Variants in FRAS1 observed in about 807,000 individuals in gnomAD.
FRAS1 encodes the protein Fraser extracellular matrix complex subunit 1, also known as extracellular matrix organizing protein FRAS1.
FRAS1 carries 290 observed loss-of-function variants against 435.2 expected under a neutral mutation model. The ratio of observed to expected loss-of-function variants is 0.67; its 90% CI spans 0.61 to 0.73. The LOEUF (loss-of-function observed/expected upper bound fraction) is 0.73. FRAS1 is among the 30% of genes least tolerant of loss of function. FRAS1 has a pLI of 0.00. For missense variants in FRAS1, 4,860 were observed against 5,001.5 expected, an observed-to-expected ratio of 0.97 and a Z score of 0.85; for synonymous variants, 1,800 against 1,851.0, an observed-to-expected ratio of 0.97 and a Z score of 0.71.
Position 78,513,379 on chromosome 4 carries a change from T to C in FRAS1, c.10014-13T>C, listed in dbSNP as rs775265405. On this transcript the variant is annotated splice_polypyrimidine_tract_variant and intron_variant, in intron 64 of 73. Transcript: ENST00000512123. ...AGTCAGCTAAACATTTATTTCTGCC[T>C]TTTTCCCCCTAGAATCCACATTTCG... 6 of 1,608,168 alleles carry C rather than the reference T, an allele frequency of 3.7e-6. No individual in the cohort carries two copies. Among genetic ancestry groups the C allele is most frequent in the Middle Eastern group, 1.7e-4 (1 of 6,044 alleles).
chr4:78,483,365 C>T (rs1252010086), intron 58 of FRAS1, among the ~76,000 whole-genome samples: 1 of 152,126 alleles, frequency 6.6e-6, no homozygotes, highest in Admixed American at 6.6e-5. Flanking sequence ...ATGGTTACTT[C>T]TCAGAAGAAT....
At chr4:78,317,345 C>G (rs950378217) in intron 16 of FRAS1, 23 bp from the exon 17 acceptor site, 2 of 1,613,474 alleles carry the variant, frequency 1.2e-6, no homozygotes, top group Middle Eastern at 3.3e-4. Context: ...CCATGGCGTT[C>G]TCCCTCTCAC....
chr4:78,419,693 G>A (rs548461809), intron 33 of FRAS1, among the ~76,000 whole-genome samples: 1 of 152,260 alleles, frequency 6.6e-6, no homozygotes, highest in South Asian at 2.1e-4. Flanking sequence ...AGCTGAAACT[G>A]GGTAATTTAT....
chr4:78,154,774 A>G (rs1720812135), intron 2 of FRAS1, among the ~76,000 whole-genome samples: 1 of 152,244 alleles, frequency 6.6e-6, no homozygotes, highest in Non-Finnish European at 1.5e-5. Flanking sequence ...GGGTAGTTAA[A>G]AACAAACAAA....
At chr4:78,455,282 T>TCAAAAG (rs1719154609) in intron 47 of FRAS1, among the ~76,000 whole-genome samples, 1 of 85,156 alleles carries the variant, frequency 1.2e-5, no homozygotes, top group African/African-American at 5.2e-5. Context: ...TTTACATGCC[T>TCAAAAG]CCCTTTGGAG....
intron 2 of FRAS1, among the ~76,000 whole-genome samples, chr4:78,189,840 C>T (rs1722453734): frequency 6.6e-6 from 1 of 152,186 alleles, no homozygotes; most frequent in Non-Finnish European, 1.5e-5. Flanking sequence ...TTTCCCTTTA[C>T]CTCATATAAT....
At chr4:78,206,909 T>G (rs1723283665) in intron 2 of FRAS1, among the ~76,000 whole-genome samples, 1 of 152,226 alleles carries the variant, frequency 6.6e-6, no homozygotes, top group African/African-American at 2.4e-5. Context: ...GGTTCCACCC[T>G]TATCAGTTGC....
At chr4:78,493,046 T>C (rs7436657) in intron 59 of FRAS1, among the ~76,000 whole-genome samples, 110,462 of 151,960 alleles carry the variant, frequency 0.73, 41,785 homozygotes, top group East Asian at 1. Flanking sequence ...AACAAACAAA[T>C]GAAGAAAAGC....
At chr4:78,529,633 G>C (rs1176461042) in intron 70 of FRAS1, among the ~76,000 whole-genome samples, 1 of 152,130 alleles carries the variant, frequency 6.6e-6, no homozygotes, top group Non-Finnish European at 1.5e-5. Context: ...TGTTCCAAGA[G>C]CCCCAGTGGG....
chr4:78,518,158 G>C (rs141694871), intron 66 of FRAS1, among the ~76,000 whole-genome samples: 1 of 151,574 alleles, frequency 6.6e-6, no homozygotes, highest in Non-Finnish European at 1.5e-5. Flanking sequence ...ACAAAGTAAG[G>C]CATGTCAAAA....
chr4:78,346,258 A>G (rs1039500338), intron 20 of FRAS1, among the ~76,000 whole-genome samples: 2 of 152,222 alleles, frequency 1.3e-5, no homozygotes, highest in Non-Finnish European at 2.9e-5. Flanking sequence ...TGGGCCCACT[A>G]ATAACTCATG....
chr4:78,236,287 CATTT>C (rs34452198), intron 2 of FRAS1, among the ~76,000 whole-genome samples: 11 of 142,924 alleles, frequency 7.7e-5, no homozygotes, highest in South Asian at 4.3e-4. Flanking sequence ...GAAATAGTTG[CATTT>C]ATTTATTTAT....
At chr4:78,276,824 C>G (rs1181317978) in intron 9 of FRAS1, among the ~76,000 whole-genome samples, 12 of 152,184 alleles carry the variant, frequency 7.9e-5, no homozygotes, top group Non-Finnish European at 1.8e-4. Context: ...CTTGGAGGAC[C>G]ACTTTTCTCT....
At chr4:78,083,878 C>T (rs1319373313) in intron 2 of FRAS1, among the ~76,000 whole-genome samples, 1 of 152,010 alleles carries the variant, frequency 6.6e-6, no homozygotes, top group Non-Finnish European at 1.5e-5. Flanking sequence ...TTCCTTATAT[C>T]TAATTCACTA....
chr4:78,296,912 G>A (rs929115101), intron 14 of FRAS1, among the ~76,000 whole-genome samples: 2 of 152,090 alleles, frequency 1.3e-5, no homozygotes, highest in African/African-American at 2.4e-5. Flanking sequence ...CCATGTCCTC[G>A]TGAACTAGGT....
At chr4:78,127,895 C>T (rs1412177338) in intron 2 of FRAS1, among the ~76,000 whole-genome samples, 1 of 135,944 alleles carries the variant, frequency 7.4e-6, no homozygotes, top group African/African-American at 2.7e-5. Context: ...AATGCTATCC[C>T]TTCCCCCTCC....
At chr4:78,236,977 A>T (rs1168821785) in intron 2 of FRAS1, among the ~76,000 whole-genome samples, 1 of 152,130 alleles carries the variant, frequency 6.6e-6, no homozygotes, top group Non-Finnish European at 1.5e-5. Context: ...TCACTCATAC[A>T]TATGTTGGTG....
chr4:78,261,814 A>G (rs757520418), intron 6 of FRAS1, among the ~76,000 whole-genome samples: 16 of 152,144 alleles, frequency 1.1e-4, no homozygotes, highest in Non-Finnish European at 2.9e-5. Flanking sequence ...TCATTTCCTT[A>G]TGAAGGTTCC....
At position 78,265,105 on chromosome 4, in the gene FRAS1, C is replaced by T. The variant is rs200767104; in HGVS notation, c.684C>T (p.Tyr228=). Residue 228 remains tyrosine (Y), a synonymous_variant, in exon 7 of 74, where the codon TAC becomes TAT. Coordinates refer to ENST00000512123, the MANE Select transcript of FRAS1 (RefSeq NM_025074.7). ...CCTGCTCTGCAGCTGGCCAAGTATA[C>T]GAGGTAAGCTTTCATGCTCCCCATG... is the stretch of plus-strand genomic sequence containing the variant. The part of the protein sequence containing the change: ...ARSCSAAGQV[Y]EHGEQWSENA... The T allele has an allele frequency of 1.4e-5, 22 of 1,609,334 alleles. No homozygotes were observed. The Admixed American group carries it at 2.0e-4, about 15-fold the overall frequency.
Sources: gnomAD v4.1 joint callset for allele counts (sites outside exome capture counted in the v4.1 genomes callset) on GRCh38, gnomAD v4.1.1 for gene constraint, MANE v1.5 for transcripts, NCBI Gene and HGNC (gene_info 2026-07-23, HGNC 2026-07-21) for gene names.